RRAS2: variants seen among roughly 807,000 people sequenced by gnomAD.
RRAS2 encodes RAS related 2.
Under a neutral mutation model 27.6 loss-of-function variants are expected in RRAS2, and 7 were observed. That is an observed-to-expected ratio of 0.25 (90% confidence interval 0.14 to 0.48). The LOEUF is 0.48. Among genes scored for constraint, RRAS2 ranks in the 20% least tolerant of loss-of-function variants. The pLI, the probability that RRAS2 is intolerant of heterozygous loss-of-function variation, is 0.99. For synonymous variants in RRAS2, 86 were observed against 90.9 expected (o/e 0.95, Z 0.31); for missense variants, 178 against 256.2 (o/e 0.69, Z 2.08).
chr11:14,358,811 G>T lies in RRAS2; in HGVS notation c.60C>A (p.Val20=). Residue 20 remains valine, a synonymous_variant, in exon 1 of 6, where the codon GTC becomes GTA. Transcript: ENST00000256196. The surrounding 1 kb of genome is among the most constrained non-coding windows in gnomAD (Gnocchi z 5.1). ...SGQEKYRLVV[V]GGGGVGKSAL... is the part of the protein sequence containing the mutation. ...CCGACTTGCCCACGCCGCCCCCGCC[G>T]ACCACCACGAGCCGGTACTTCTCCT... 1 of 1,489,248 alleles carries T rather than the reference G, an allele frequency of 6.7e-7. No homozygotes were observed. The highest frequency in any genetic ancestry group is 9.0e-7 in the Non-Finnish European group (1 of 1,113,380). The allele number at this position is 1,489,248 out of a possible 1,614,324, so 92.3% of individuals were successfully genotyped here. A position where few individuals can be genotyped will look rare whatever the true frequency, so the allele number is the denominator to read the frequency against.
chr11:14,330,887 T>C (rs139022459), intron 1 of RRAS2, among the ~76,000 whole-genome samples: 1 of 152,322 alleles, frequency 6.6e-6, no homozygotes, highest in East Asian at 1.9e-4. Flanking sequence ...GGAGTAACTA[T>C]AGTTAATAAC....
At chr11:14,334,529 C>CAT (rs1367565740) in intron 1 of RRAS2, among the ~76,000 whole-genome samples, 6 of 150,296 alleles carry the variant, frequency 4.0e-5, no homozygotes, top group Non-Finnish European at 8.9e-5. Flanking sequence ...AGCATCCATA[C>CAT]ATACACACAC....
chr11:14,357,375 G>A (rs1849104583), intron 1 of RRAS2, among the ~76,000 whole-genome samples: 1 of 151,748 alleles, frequency 6.6e-6, no homozygotes, highest in Non-Finnish European at 1.5e-5. Context: ...CATTAGATAC[G>A]TACAATCTCT....
In RRAS2 at chr11:14,359,102, A is replaced by T. The variant is rs1456287401; in HGVS notation, c.-232T>A. The T allele has an allele frequency of 7.5e-6, 8 of 1,064,042 alleles. No individual in the cohort carries two copies. In the African/African-American group the frequency reaches 1.2e-4, roughly 16 times the overall value. 65.9% of individuals were successfully genotyped at this position (1,064,042 alleles called of 1,614,324 possible). A position where few individuals can be genotyped will look rare whatever the true frequency, so the allele number is the denominator to read the frequency against. ...GGTGACGGCACGGGCCAGGGGCGGC[A>T]GCGGCCGGGGGGCGCGCTCCTCTAC... is the stretch of plus-strand genomic sequence containing the variant. On this transcript the variant is annotated 5_prime_UTR_variant, in exon 1 of 6. Coordinates refer to ENST00000256196, the MANE Select transcript of RRAS2 (RefSeq NM_012250.6).
intron 1 of RRAS2, among the ~76,000 whole-genome samples, chr11:14,307,858 T>A (rs112066211): frequency 1.1e-3 from 173 of 152,168 alleles, no homozygotes; most frequent in Non-Finnish European, 1.8e-3. Context: ...CATTTTTTTT[T>A]AAATACACAA....
chr11:14,328,738 C>T (rs1167253511), intron 1 of RRAS2, among the ~76,000 whole-genome samples: 1 of 151,688 alleles, frequency 6.6e-6, no homozygotes, highest in African/African-American at 2.4e-5. Flanking sequence ...GACCTCTGCT[C>T]ACCGCAACCT....
At chr11:14,325,091 T>C (rs1208471480) in intron 1 of RRAS2, among the ~76,000 whole-genome samples, 1 of 152,156 alleles carries the variant, frequency 6.6e-6, no homozygotes, top group African/African-American at 2.4e-5. Context: ...GTACCTCACC[T>C]GGAATGGTAA....
chr11:14,308,926 C>T (rs1554948464), intron 1 of RRAS2, among the ~76,000 whole-genome samples: 2 of 152,102 alleles, frequency 1.3e-5, no homozygotes, highest in African/African-American at 2.4e-5. Flanking sequence ...AATTTCCTCA[C>T]CTAAAAGATG....
At chr11:14,341,731 C>G (rs1554953294) in intron 1 of RRAS2, 1 of 422,858 alleles carries the variant, frequency 2.4e-6, no homozygotes, top group African/African-American at 2.0e-5. Flanking sequence ...ACAGTTAAGT[C>G]AGAGTACATT....
chr11:14,298,024 C>G (rs1386617164), intron 1 of RRAS2, among the ~76,000 whole-genome samples: 1 of 147,072 alleles, frequency 6.8e-6, no homozygotes, highest in East Asian at 2.0e-4. Context: ...TCAAAACAAT[C>G]ATGAACTTAC....
intron 1 of RRAS2, among the ~76,000 whole-genome samples, chr11:14,344,381 T>C (rs1848785866): frequency 6.6e-6 from 1 of 152,228 alleles, no homozygotes; most frequent in South Asian, 2.1e-4. Flanking sequence ...TCAAGTAAAA[T>C]GTATGCCTCT....
In RRAS2 at chr11:14,356,836, C is replaced by A. The variant is rs1019633414; in HGVS notation, c.108+1927G>T. 57 of 415,880 alleles carry A rather than the reference C, an allele frequency of 1.4e-4. No homozygotes were observed. In the Admixed American group the frequency reaches 1.6e-3, roughly 11 times the overall value. 25.8% of individuals were successfully genotyped at this position (415,880 alleles called of 1,614,324 possible). On this transcript the variant is annotated intron_variant, in intron 1 of 5. Coordinates refer to ENST00000256196, the MANE Select transcript of RRAS2 (RefSeq NM_012250.6). ...TTTTTTTTTGAGGCAGAGTCTCGCT[C>A]TGTTGCCCAGGCACAATCTCGGCTC...
Position 14,303,280 on chromosome 11 carries a change from G to A in RRAS2, c.109-7425C>T, listed in dbSNP as rs11023184. ...CTTTTACAATTGCTTATCCTTTCAT[G>A]TATGTGTCTAAGTGAATGTATGAAT... On this transcript the variant is annotated intron_variant, in intron 1 of 5. Coordinates refer to ENST00000256196, the MANE Select transcript of RRAS2 (RefSeq NM_012250.6). Among the ~76,000 whole-genome samples the A allele has an allele frequency of 2.3e-3, 353 of 152,244 alleles. 1 individual carries two copies. Among genetic ancestry groups the A allele is most frequent in the Non-Finnish European group, 3.8e-3 (256 of 68,008 alleles).
chr11:14,329,909 A>G, intron 1 of RRAS2, among the ~76,000 whole-genome samples: 1 of 152,006 alleles, frequency 6.6e-6, no homozygotes, highest in East Asian at 1.9e-4. Context: ...ATCTCTATAA[A>G]TAAAAATAAA....
intron 1 of RRAS2, among the ~76,000 whole-genome samples, chr11:14,331,126 G>C (rs1554951820): frequency 6.6e-6 from 1 of 152,162 alleles, no homozygotes; most frequent in Non-Finnish European, 1.5e-5. Flanking sequence ...AGCCCTGGGA[G>C]AATATGAAGA....
intron 1 of RRAS2, among the ~76,000 whole-genome samples, chr11:14,331,626 C>T (rs1217977787): frequency 1.4e-5 from 2 of 143,914 alleles, no homozygotes; most frequent in African/African-American, 2.6e-5. Context: ...CACTTGAGCC[C>T]AGAAGTTCAA....
chr11:14,358,902 C>G lies in RRAS2; in HGVS notation c.-32G>C. ...GCTACAGAGCCCAGCCTGACTGCGC[C>G]GAGCCGCCGCTGCCGCCCGCCCTAG... On this transcript the variant is annotated 5_prime_UTR_variant, in exon 1 of 6. Transcript: ENST00000256196. This position sits in a 1 kb window ranked among gnomAD's most constrained non-coding sequence, Gnocchi z 5.1. The G allele has an allele frequency of 7.5e-7, 1 of 1,336,494 alleles. No homozygotes were observed. 82.8% of individuals were successfully genotyped at this position (1,336,494 alleles called of 1,614,324 possible).
At chr11:14,305,545 T>G (rs1273515155) in intron 1 of RRAS2, among the ~76,000 whole-genome samples, 1 of 152,098 alleles carries the variant, frequency 6.6e-6, no homozygotes, top group Admixed American at 6.5e-5. Flanking sequence ...CTGACCTAAC[T>G]CCCCACTCCA....
intron 1 of RRAS2, among the ~76,000 whole-genome samples, chr11:14,318,342 A>G (rs1848155416): frequency 2.0e-5 from 3 of 152,068 alleles, no homozygotes; most frequent in Admixed American, 2.0e-4. Context: ...CTACCTACTA[A>G]AAGCACAAAA....
Sources: allele counts gnomAD v4.1 joint callset (sites outside exome capture counted in the v4.1 genomes callset), GRCh38; gene constraint gnomAD v4.1.1; non-coding constraint Gnocchi (gnomAD v3.1); transcripts MANE v1.5; gene names NCBI Gene and HGNC (gene_info 2026-07-23, HGNC 2026-07-21).